COPG2: variants seen among roughly 807,000 people sequenced by gnomAD.
COPG2 encodes the protein coat protein complex I subunit gamma 2.
A neutral mutation model predicts 46.3 loss-of-function variants in COPG2; 37 were observed. That is an observed-to-expected ratio of 0.80 (90% CI 0.61 to 1.05). The LOEUF (loss-of-function observed/expected upper bound fraction) is 1.05, where lower values mean the gene tolerates loss of function less well. Ranked by LOEUF, COPG2 falls within the 50% of genes least tolerant of loss-of-function variation. The pLI, the probability that COPG2 is intolerant of heterozygous loss-of-function variation, is 0.00. For missense variants in COPG2, 427 were observed against 387.8 expected (o/e 1.10, Z -0.85); for synonymous variants, 159 against 129.7 (o/e 1.23, Z -1.53).
chr7:130,542,514 G>A (rs1278803785), intron 20 of COPG2, among the ~76,000 whole-genome samples: 1 of 152,016 alleles, frequency 6.6e-6, no homozygotes, highest in African/African-American at 2.4e-5. Flanking sequence ...TGTCATCAGT[G>A]GGGGGCAGGG....
At position 130,612,154 on chromosome 7, in the gene COPG2, G is replaced by C; in HGVS notation, c.577C>G (p.Gln193Glu). 1 of 1,601,080 alleles carries C rather than the reference G, an allele frequency of 6.2e-7. No homozygotes were observed. The highest frequency in any genetic ancestry group is 8.5e-7 in the Non-Finnish European group (1 of 1,169,620). Residue 193 changes from glutamine to glutamate, a missense_variant and splice_region_variant, in exon 8 of 24, where the codon CAG (glutamine) becomes GAG (glutamate). Transcript: ENST00000425248. The stretch of plus-strand genomic sequence containing the variant: ...CTAATGTGATTCAATGACAATACCT[G>C]GACCATAATATTATCACTTGATGCA... ...EAASSDNIMV[Q>E]YHALGVLYHL...
At chr7:130,641,227 T>C (rs1795460057) in intron 5 of COPG2, among the ~76,000 whole-genome samples, 1 of 148,052 alleles carries the variant, frequency 6.8e-6, no homozygotes, top group Non-Finnish European at 1.5e-5. Context: ...GACTAATCTG[T>C]CAAGAAAGAA....
rs1799490141 is a variant in COPG2, at chr7:130,506,536, G to C, written c.*140C>G. ...GCAAAGATAGACATTTGCTTGATCT[G>C]CTGGCTCAGGGCCAAATGTTTAATT... is the stretch of plus-strand genomic sequence containing the variant. On this transcript the variant is annotated 3_prime_UTR_variant, in exon 24 of 24. Coordinates refer to ENST00000425248, the MANE Select transcript of COPG2 (RefSeq NM_012133.6). The C allele has an allele frequency of 2.1e-6, 1 of 475,624 alleles. No homozygotes were observed. Among genetic ancestry groups the C allele is most frequent in the Non-Finnish European group, 3.7e-6 (1 of 268,504 alleles). 29.5% of individuals were successfully genotyped at this position (475,624 alleles called of 1,614,324 possible).
At chr7:130,574,385 C>T (rs1166834526) in intron 9 of COPG2, among the ~76,000 whole-genome samples, 2 of 152,164 alleles carry the variant, frequency 1.3e-5, no homozygotes, top group African/African-American at 4.8e-5. Flanking sequence ...TGCAGACAAT[C>T]CCTGGTACCA....
At chr7:130,594,442 C>T (rs943990419) in intron 9 of COPG2, among the ~76,000 whole-genome samples, 3 of 152,170 alleles carry the variant, frequency 2.0e-5, no homozygotes, top group Admixed American at 6.5e-5. Context: ...TCTTTGTGAC[C>T]TTGAATTAGG....
At chr7:130,644,017 T>C (rs1554457716) in intron 5 of COPG2, among the ~76,000 whole-genome samples, 3 of 152,172 alleles carry the variant, frequency 2.0e-5, no homozygotes, top group Non-Finnish European at 4.4e-5. Flanking sequence ...TGGGAAATTC[T>C]TAGCCAAAAA....
intron 5 of COPG2, among the ~76,000 whole-genome samples, chr7:130,636,094 G>C (rs1303579588): frequency 1.3e-5 from 2 of 152,052 alleles, no homozygotes; most frequent in Admixed American, 6.6e-5. Context: ...CTGTTCTTTT[G>C]CATTTGCTGA....
chr7:130,525,632 T>G (rs1011921334), intron 20 of COPG2, among the ~76,000 whole-genome samples: 1 of 152,172 alleles, frequency 6.6e-6, no homozygotes, highest in African/African-American at 2.4e-5. Context: ...GCTAAAAGGA[T>G]AGAGATATAG....
intron 9 of COPG2, among the ~76,000 whole-genome samples, chr7:130,580,461 CA>C (rs782478543): frequency 0.39 from 43,789 of 111,674 alleles, 9,796 homozygotes; most frequent in East Asian, 0.55. Context: ...CAAACACATT[CA>C]AAAGCTAGCA....
chr7:130,544,245 T>C (rs1271759678), intron 20 of COPG2, among the ~76,000 whole-genome samples: 1 of 152,174 alleles, frequency 6.6e-6, no homozygotes, highest in Non-Finnish European at 1.5e-5. Flanking sequence ...TTAACTGAAG[T>C]TGTGTTTTTA....
At chr7:130,627,626 C>G (rs894134322) in intron 5 of COPG2, among the ~76,000 whole-genome samples, 1 of 152,086 alleles carries the variant, frequency 6.6e-6, no homozygotes, top group Non-Finnish European at 1.5e-5. Context: ...TTCATGACAC[C>G]AGCCCCAGAT....
chr7:130,532,504 G>T (rs1799837957), intron 20 of COPG2, among the ~76,000 whole-genome samples: 1 of 152,030 alleles, frequency 6.6e-6, no homozygotes, highest in Non-Finnish European at 1.5e-5. Context: ...GAGCGGAGGA[G>T]CCGGGTCTCA....
intron 9 of COPG2, among the ~76,000 whole-genome samples, chr7:130,606,752 C>G (rs1794740708): frequency 6.6e-6 from 1 of 152,150 alleles, no homozygotes; most frequent in Non-Finnish European, 1.5e-5. Flanking sequence ...GACAGCCTAT[C>G]CTATGAATTT....
At chr7:130,510,335 G>T in intron 20 of COPG2, 1 of 440,956 alleles carries the variant, frequency 2.3e-6, no homozygotes, top group East Asian at 6.0e-5. Context: ...GGTTTAATTA[G>T]GATAGGATTT....
At chr7:130,534,946 G>C (rs1452237615) in intron 20 of COPG2, among the ~76,000 whole-genome samples, 1 of 152,192 alleles carries the variant, frequency 6.6e-6, no homozygotes, top group Non-Finnish European at 1.5e-5. Flanking sequence ...AAAGAGAAAA[G>C]AGGAAACAAG....
rs1003896719 is a variant in COPG2, at chr7:130,554,255, G to A, written c.1468+226C>T. Among the ~76,000 whole-genome samples the A allele has an allele frequency of 7.9e-4, 120 of 152,184 alleles. 2 individuals carry two copies. The highest frequency in any genetic ancestry group is 1.4e-3 in the Non-Finnish European group (92 of 67,996). The stretch of plus-strand genomic sequence containing the variant: ...TACGGCTATAACTGAAAAAACGGAT[G>A]AGCCATCATAGTATTCCTATCTTAC... On this transcript the variant is annotated intron_variant, in intron 14 of 23. Transcript: ENST00000425248.
At chr7:130,526,683 G>A (rs1339470414) in intron 20 of COPG2, among the ~76,000 whole-genome samples, 3 of 151,920 alleles carry the variant, frequency 2.0e-5, no homozygotes, top group Admixed American at 6.6e-5. Flanking sequence ...CAGCCTGCAA[G>A]GTTCAGCATG....
intron 6 of COPG2, among the ~76,000 whole-genome samples, chr7:130,615,497 T>C (rs1422687640): frequency 6.6e-6 from 1 of 152,192 alleles, no homozygotes; most frequent in Non-Finnish European, 1.5e-5. Context: ...CCCCAACAAG[T>C]TTTTTGATCA....
In COPG2 at chr7:130,651,492, GTATTTTTTTTTTT is replaced by G. The variant is rs1795741717; in HGVS notation, c.323+1364_323+1376del. ...CTACCAATGCCTGGCTAATTTTTTT[GTATTTTTTTTTTT>G]TTTTTTTTTTTTTTTTTTTTTTGAG... On this transcript the variant is annotated intron_variant, in intron 5 of 23. Coordinates refer to ENST00000425248, the MANE Select transcript of COPG2 (RefSeq NM_012133.6). Among the ~76,000 whole-genome samples the G allele has an allele frequency of 2.9e-4, 9 of 30,798 alleles. No individual in the cohort carries two copies. The South Asian group carries it at 3.0e-3, about 10-fold the overall frequency. The allele number at this position is 30,798 out of a possible 152,430, so 20.2% of individuals were successfully genotyped here. A position where few individuals can be genotyped will look rare whatever the true frequency, so the allele number is the denominator to read the frequency against.
Sources: allele counts gnomAD v4.1 joint callset (sites outside exome capture counted in the v4.1 genomes callset), GRCh38; gene constraint gnomAD v4.1.1; transcripts MANE v1.5; gene names NCBI Gene and HGNC (gene_info 2026-07-23, HGNC 2026-07-21).